Variants in CNTN5 observed in about 807,000 individuals in gnomAD.
The protein encoded by CNTN5 is contactin-5.
CNTN5 carries 77 observed loss-of-function variants against 129.1 expected under a neutral mutation model. The observed-to-expected ratio is 0.60, with a 90% CI of 0.50 to 0.72. The LOEUF (loss-of-function observed/expected upper bound fraction) is 0.72. CNTN5 is among the 30% of genes least tolerant of loss of function. The pLI, the probability that CNTN5 is intolerant of heterozygous loss-of-function variation, is 0.00. For synonymous variants in CNTN5, 509 were observed against 465.6 expected (o/e 1.09, Z -1.20); for missense variants, 1,478 against 1,328.8 (o/e 1.11, Z -1.75).
At chr11:100,318,178 T>C (rs1411945567) in intron 21 of CNTN5, among the ~76,000 whole-genome samples, 1 of 148,412 alleles carries the variant, frequency 6.7e-6, no homozygotes, top group Non-Finnish European at 1.5e-5. Flanking sequence ...GAGGCCGAAC[T>C]TGCAGTGAGC....
At chr11:99,429,484 A>G (rs1943271670) in intron 2 of CNTN5, among the ~76,000 whole-genome samples, 1 of 152,194 alleles carries the variant, frequency 6.6e-6, no homozygotes, top group South Asian at 2.1e-4. Context: ...GGTGAAAATC[A>G]GATAGCAAAA....
At chr11:99,568,227 T>A (rs4754632) in intron 3 of CNTN5, among the ~76,000 whole-genome samples, 1 of 152,120 alleles carries the variant, frequency 6.6e-6, no homozygotes, top group African/African-American at 2.4e-5. Flanking sequence ...GGACTAACCC[T>A]TTCTGGCAAG....
chr11:100,282,182 T>C (rs1950654984), intron 18 of CNTN5, among the ~76,000 whole-genome samples: 1 of 152,200 alleles, frequency 6.6e-6, no homozygotes. Context: ...ATTGAAGAGT[T>C]AGGCATTTAT....
chr11:99,776,208 T>C (rs1565517582), intron 3 of CNTN5, among the ~76,000 whole-genome samples: 1 of 151,902 alleles, frequency 6.6e-6, no homozygotes, highest in South Asian at 2.1e-4. Flanking sequence ...CCCTAGAGCA[T>C]GTGACTAACT....
At chr11:99,143,006 C>A (rs1396812900) in intron 1 of CNTN5, among the ~76,000 whole-genome samples, 1 of 152,136 alleles carries the variant, frequency 6.6e-6, no homozygotes, top group Non-Finnish European at 1.5e-5. Flanking sequence ...TGTCCCCACT[C>A]TGTCCACTCT....
In CNTN5 at chr11:100,198,256, TACTA is replaced by T. The variant is rs776215744; in HGVS notation, c.1884+4601_1884+4604del. On this transcript the variant is annotated intron_variant, in intron 15 of 24. Transcript: ENST00000524871. ...AGAAAAATATGACCATAAAAACAATTACTAACTAACTTTTAAAATCACAGCCAAA... is the reference window on the plus strand; with the variant it reads ...AGAAAAATATGACCATAAAAACAATTACTAACTTTTAAAATCACAGCCAAA... 1.2e-4 allele frequency among the ~76,000 whole-genome samples: 19 copies of T among 152,008 alleles called. No homozygotes were observed. The South Asian group carries it at 1.9e-3, about 15-fold the overall frequency.
intron 13 of CNTN5, among the ~76,000 whole-genome samples, chr11:100,136,887 A>C (rs1272727102): frequency 6.6e-6 from 1 of 151,974 alleles, no homozygotes; most frequent in Non-Finnish European, 1.5e-5. Context: ...TAGATTGGAC[A>C]TCAAGAAAAG....
At chr11:99,498,119 G>A (rs1055400407) in intron 2 of CNTN5, among the ~76,000 whole-genome samples, 4 of 152,088 alleles carry the variant, frequency 2.6e-5, no homozygotes, top group African/African-American at 9.7e-5. Context: ...TGAGTTTAGA[G>A]GCTGAGAGAC....
intron 6 of CNTN5, among the ~76,000 whole-genome samples, chr11:99,903,081 A>G (rs1361773627): frequency 6.6e-6 from 1 of 152,122 alleles, no homozygotes; most frequent in Non-Finnish European, 1.5e-5. Context: ...ATGTTACTTG[A>G]TTAAACTATA....
At chr11:99,696,500 C>G (rs1193312373) in intron 3 of CNTN5, among the ~76,000 whole-genome samples, 2 of 152,008 alleles carry the variant, frequency 1.3e-5, no homozygotes, top group African/African-American at 4.8e-5. Context: ...AACTAAGGAA[C>G]AGTCACTATC....
At chr11:99,943,551 G>T (rs1315596109) in intron 7 of CNTN5, among the ~76,000 whole-genome samples, 2 of 152,154 alleles carry the variant, frequency 1.3e-5, no homozygotes, top group South Asian at 4.2e-4. Flanking sequence ...GATCCCATTT[G>T]TCAGTGTTCG....
At chr11:99,492,231 T>G (rs1946064563) in intron 2 of CNTN5, among the ~76,000 whole-genome samples, 1 of 152,188 alleles carries the variant, frequency 6.6e-6, no homozygotes, top group Admixed American at 6.5e-5. Context: ...CATTCTTCGT[T>G]AAAAGTCTCC....
rs566007514 is a variant in CNTN5, at chr11:99,801,919, G to A, written c.56-17625G>A. Among the ~76,000 whole-genome samples the A allele has an allele frequency of 5.3e-5, 8 of 152,174 alleles. No homozygotes were observed. The South Asian group carries it at 1.7e-3, about 32-fold the overall frequency. On this transcript the variant is annotated intron_variant, in intron 3 of 24. Coordinates refer to ENST00000524871, the MANE Select transcript of CNTN5 (RefSeq NM_014361.4). Reference sequence around the variant, plus strand: ...GCTTTGAAATTCTTACCTGTCCTTGGCATGTGAATGCCCCCAAAGCATTCA... The same window carrying A: ...GCTTTGAAATTCTTACCTGTCCTTGACATGTGAATGCCCCCAAAGCATTCA...
chr11:99,885,090 C>T (rs890990666), intron 6 of CNTN5, among the ~76,000 whole-genome samples: 1 of 152,028 alleles, frequency 6.6e-6, no homozygotes, highest in African/African-American at 2.4e-5. Flanking sequence ...TGAGACCAGC[C>T]TGTGCAACAT....
intron 21 of CNTN5, among the ~76,000 whole-genome samples, chr11:100,318,950 A>T (rs7111786): frequency 4.6e-5 from 7 of 152,068 alleles, no homozygotes; most frequent in Admixed American, 3.9e-4. Context: ...TTAAATCTGC[A>T]TACAGACAAG....
chr11:99,112,335 G>C (rs749375938), intron 1 of CNTN5, among the ~76,000 whole-genome samples: 1 of 151,882 alleles, frequency 6.6e-6, no homozygotes, highest in African/African-American at 2.4e-5. Context: ...TCTCAAGAAG[G>C]TTATGTCATA....
At chr11:100,100,939 C>T (rs1371300713) in intron 13 of CNTN5, among the ~76,000 whole-genome samples, 1 of 152,058 alleles carries the variant, frequency 6.6e-6, no homozygotes, top group African/African-American at 2.4e-5. Context: ...AATTTTCTTG[C>T]ATCAACTGAT....
chr11:100,031,150 C>A (rs1565805154), intron 9 of CNTN5, among the ~76,000 whole-genome samples: 1 of 152,140 alleles, frequency 6.6e-6, no homozygotes, highest in African/African-American at 2.4e-5. Flanking sequence ...TTACTTTCTC[C>A]TGGTACTTGA....
chr11:99,536,833 T>G (rs1242439924), intron 2 of CNTN5, among the ~76,000 whole-genome samples: 2 of 140,738 alleles, frequency 1.4e-5, no homozygotes, highest in African/African-American at 5.3e-5. Flanking sequence ...TATGTAATTT[T>G]AAATTTTCTA....
Sources: gnomAD v4.1 joint callset for allele counts (sites outside exome capture counted in the v4.1 genomes callset) on GRCh38, gnomAD v4.1.1 for gene constraint, MANE v1.5 for transcripts, NCBI Gene and HGNC (gene_info 2026-07-23, HGNC 2026-07-21) for gene names.